The following USP26 variants were observed in gnomAD, a reference collection of about 807,000 sequenced individuals.
USP26 encodes the protein ubiquitin specific peptidase 26.
For synonymous variants in USP26, 236 were observed against 240.6 expected, an observed-to-expected ratio of 0.98 and a Z score of 0.18; for missense variants, 649 against 642.3, an observed-to-expected ratio of 1.01 and a Z score of -0.11.
chrX:133,075,018 C>G (rs1381555355), intron 5 of USP26, among the ~76,000 whole-genome samples: 1 of 111,583 alleles, frequency 9.0e-6, no homozygotes, highest in South Asian at 3.8e-4. Flanking sequence ...AGATGTAAGT[C>G]TGGTTGCAGC....
chrX:133,066,760 C>A (rs2067513099), intron 5 of USP26, among the ~76,000 whole-genome samples: 1 of 111,729 alleles, frequency 9.0e-6, no homozygotes, highest in South Asian at 3.7e-4. Context: ...AACTCAAAAA[C>A]CATAAAAACT....
chrX:133,084,785 T>C (rs949610844), intron 4 of USP26, among the ~76,000 whole-genome samples: 2 of 111,352 alleles, frequency 1.8e-5, no homozygotes, highest in Non-Finnish European at 3.8e-5. Context: ...GGGTGGTGTT[T>C]GGTTACATGA....
chrX:133,059,158 G>A (rs2067486692), intron 5 of USP26, among the ~76,000 whole-genome samples: 2 of 111,011 alleles, frequency 1.8e-5, no homozygotes, highest in South Asian at 7.7e-4. Flanking sequence ...TTTTAACTGA[G>A]CATTTCATAC....
rs35348009 is a variant in USP26 at position 133,025,031 on chromosome X, C to CA, written c.*447dup. On this transcript the variant is annotated 3_prime_UTR_variant, in exon 6 of 6. Coordinates refer to ENST00000511190, the MANE Select transcript of USP26 (RefSeq NM_031907.3). ...AGTGAGACCCTGTCTCTGCAAAAAG[C>CA]AAAAAAAAAAAAAAAAATAGCTAGG... is the stretch of plus-strand genomic sequence containing the variant. 16,407 of 72,995 alleles carry CA rather than the reference C, an allele frequency of 0.22. 3,046 individuals carry two copies. The highest frequency in any genetic ancestry group is 0.59 in the African/African-American group (12,949 of 21,903). The allele number at this position is 72,995 out of a possible 1,213,427, so 6.0% of individuals were successfully genotyped here.
intron 5 of USP26, among the ~76,000 whole-genome samples, chrX:133,052,426 G>A (rs890928920): frequency 1.3e-4 from 15 of 112,089 alleles, no homozygotes; most frequent in Non-Finnish European, 2.6e-4. Context: ...ATGCGGGAAA[G>A]GGAGTGAATG....
At chrX:133,059,739 G>A (rs748381004) in intron 5 of USP26, among the ~76,000 whole-genome samples, 1 of 111,196 alleles carries the variant, frequency 9.0e-6, no homozygotes, top group South Asian at 3.9e-4. Flanking sequence ...CAAAGATCCA[G>A]ACTACTCCAT....
At chrX:133,049,844 T>C (rs2067452842) in intron 5 of USP26, among the ~76,000 whole-genome samples, 1 of 112,140 alleles carries the variant, frequency 8.9e-6, no homozygotes, top group African/African-American at 3.2e-5. Context: ...AGCCACAAGG[T>C]GATTAATGAT....
intron 5 of USP26, among the ~76,000 whole-genome samples, chrX:133,046,639 G>A (rs978894047): frequency 3.6e-5 from 4 of 110,954 alleles, no homozygotes; most frequent in Admixed American, 2.9e-4. Flanking sequence ...AGACGAGAGA[G>A]AGAGAGAGAG....
chrX:133,069,135 G>A (rs761323491), intron 5 of USP26, among the ~76,000 whole-genome samples: 5 of 111,439 alleles, frequency 4.5e-5, no homozygotes, highest in Admixed American at 9.6e-5. Context: ...CAGTTCACAT[G>A]ATAAATTCTA....
chrX:133,078,779 AT>A (rs1381542784), intron 5 of USP26, among the ~76,000 whole-genome samples: 2 of 111,954 alleles, frequency 1.8e-5, no homozygotes, highest in Non-Finnish European at 3.8e-5. Context: ...GTCTTCAGTA[AT>A]ATAATTTTAT....
At chrX:133,088,986 T>C (rs1030904614) in intron 4 of USP26, among the ~76,000 whole-genome samples, 1 of 109,560 alleles carries the variant, frequency 9.1e-6, no homozygotes, top group Non-Finnish European at 1.9e-5. Context: ...CAGTTTTTAC[T>C]GGACAGGAAA....
intron 4 of USP26, among the ~76,000 whole-genome samples, chrX:133,085,118 G>A (rs1466884290): frequency 9.0e-6 from 1 of 111,562 alleles, no homozygotes; most frequent in Non-Finnish European, 1.9e-5. Context: ...TAGCAGAGAC[G>A]GGGTTTTGCC....
chrX:133,082,561 A>G (rs1305869512), intron 5 of USP26, among the ~76,000 whole-genome samples: 4 of 112,036 alleles, frequency 3.6e-5, no homozygotes, highest in African/African-American at 9.7e-5. Context: ...TTGTGAGTAA[A>G]CCTCCTGGAG....
At chrX:133,081,296 T>C (rs1313830604) in intron 5 of USP26, among the ~76,000 whole-genome samples, 1 of 112,359 alleles carries the variant, frequency 8.9e-6, no homozygotes, top group Non-Finnish European at 1.9e-5. Context: ...CTACTTACTA[T>C]CCTTTTCTCA....
intron 5 of USP26, among the ~76,000 whole-genome samples, chrX:133,036,101 A>G (rs1477186069): frequency 9.7e-6 from 1 of 102,934 alleles, no homozygotes; most frequent in Non-Finnish European, 2.0e-5. Context: ...TGGGTGACAG[A>G]GCAAGACCCT....
rs758081635 is a variant in USP26, at chrX:133,026,921, C to T, written c.1300G>A (p.Val434Ile). The T allele has an allele frequency of 8.3e-7, 1 of 1,211,313 alleles. No individual in the cohort carries two copies. Residue 434 changes from valine (V) to isoleucine (I), a missense_variant, in exon 6 of 6, where the codon GTC becomes ATC. Physicochemically the swap from Val to Ile is conservative, Grantham distance 29 (BLOSUM62 3). Coordinates refer to ENST00000511190, the MANE Select transcript of USP26 (RefSeq NM_031907.3). ...DPDTSGFSCP[V>I]ITNFELELLH... ...AACTCTAACTCAAAATTAGTAATGA[C>T]AGGGCAAGAAAACCCACTGGTGTCA... is the stretch of plus-strand genomic sequence containing the variant.
chrX:133,083,115 C>A (rs1385330424), intron 5 of USP26, among the ~76,000 whole-genome samples: 1 of 111,653 alleles, frequency 9.0e-6, no homozygotes, highest in Non-Finnish European at 1.9e-5. Flanking sequence ...AGTAAAAGTT[C>A]AAGGGGAGGG....
At chrX:133,037,887 T>A (rs1192996824) in intron 5 of USP26, among the ~76,000 whole-genome samples, 2 of 111,399 alleles carry the variant, frequency 1.8e-5, no homozygotes, top group Non-Finnish European at 3.8e-5. Context: ...AGGTCCTTCA[T>A]GTCCTTGTAA....
chrX:133,036,052 G>A (rs943746644), intron 5 of USP26, among the ~76,000 whole-genome samples: 1 of 110,593 alleles, frequency 9.0e-6, no homozygotes, highest in Non-Finnish European at 1.9e-5. Context: ...AGGAGGTGGA[G>A]GCTACAGTGA....
Sources: gnomAD v4.1 joint callset for allele counts (sites outside exome capture counted in the v4.1 genomes callset) on GRCh38, gnomAD v4.1.1 for gene constraint, MANE v1.5 for transcripts, NCBI Gene and HGNC (gene_info 2026-07-23, HGNC 2026-07-21) for gene names.